MAP4K2: variants seen among roughly 807,000 people sequenced by gnomAD.
The protein encoded by MAP4K2 is mitogen-activated protein kinase kinase kinase kinase 2.
In MAP4K2, 85 loss-of-function variants were observed where a neutral mutation model predicts 125.3. That is an observed-to-expected ratio of 0.68 (90% CI 0.57 to 0.81). The LOEUF is 0.81. MAP4K2 is among the 40% of genes least tolerant of loss of function. The pLI, the probability that MAP4K2 is intolerant of heterozygous loss-of-function variation, is 0.00. For synonymous variants in MAP4K2, 479 were observed against 445.1 expected (o/e 1.08, Z -0.96); for missense variants, 923 against 1,056.4 (o/e 0.87, Z 1.75).
chr11:64,797,543 G>A lies in MAP4K2; in HGVS notation c.1137-9C>T, dbSNP rs746914750. On this transcript the variant is annotated splice_polypyrimidine_tract_variant and intron_variant, in intron 16 of 31. Coordinates refer to ENST00000294066, the MANE Select transcript of MAP4K2 (RefSeq NM_004579.5). ...ACCGAATAGTCAGACTCCTGTGGGA[G>A]GGAGATGAGGCGTGAGGCATGAGGT... 39 of 1,571,972 alleles carry A rather than the reference G, an allele frequency of 2.5e-5. No individual in the cohort carries two copies. The South Asian group carries it at 4.3e-4, about 17-fold the overall frequency.
At chr11:64,797,938 C>G (rs1004760951) in intron 15 of MAP4K2, among the ~76,000 whole-genome samples, 3 of 151,490 alleles carry the variant, frequency 2.0e-5, no homozygotes, top group African/African-American at 7.3e-5. Flanking sequence ...ATCTCCTGCC[C>G]TTGTGATCCG....
In MAP4K2 at chr11:64,788,528, G is replaced by C. The variant is rs1195440770; in HGVS notation, c.*1009C>G. The C allele has an allele frequency of 6.6e-6, 1 of 152,346 alleles. No homozygotes were observed. The highest frequency in any genetic ancestry group is 2.4e-5 in the African/African-American group (1 of 41,448). The allele number at this position is 152,346 out of a possible 1,614,324, so 9.4% of individuals were successfully genotyped here. A position where few individuals can be genotyped will look rare whatever the true frequency, so the allele number is the denominator to read the frequency against. ...GAATGGCCATGCCCTCAAGATGCAG[G>C]CTCCAGCAAGGAGGACGCCCTCCCT... is the stretch of plus-strand genomic sequence containing the variant. On this transcript the variant is annotated 3_prime_UTR_variant, in exon 32 of 32. Transcript: ENST00000294066.
At chr11:64,789,826 G>T in intron 30 of MAP4K2, 41 bp from the exon 31 acceptor site, 1 of 1,613,956 alleles carries the variant, frequency 6.2e-7, no homozygotes, top group East Asian at 2.2e-5. Context: ...ACTCCAGTAG[G>T]TCCTTTCCAA....
At chr11:64,803,012 G>A in intron 1 of MAP4K2, 42 bp downstream of exon 1, 10 of 1,581,368 alleles carry the variant, frequency 6.3e-6, no homozygotes, top group Non-Finnish European at 8.6e-6. Flanking sequence ...GGGGTGCGGG[G>A]CTGGCACCCT....
rs760889302 is a variant in MAP4K2 at position 64,799,596 on chromosome 11, C to T, written c.994+9G>A. 25 of 1,613,896 alleles carry T rather than the reference C, an allele frequency of 1.5e-5. No individual in the cohort carries two copies. Among genetic ancestry groups the T allele is most frequent in the Non-Finnish European group, 2.1e-5 (25 of 1,179,976 alleles). ...ATCTGCACACACACAGCCCCTGCTG[C>T]AGACTCACACTGGATCTCCGAGGGG... is the stretch of plus-strand genomic sequence containing the variant. On this transcript the variant is annotated intron_variant, in intron 13 of 31. Coordinates refer to ENST00000294066, the MANE Select transcript of MAP4K2 (RefSeq NM_004579.5).
intron 12 of MAP4K2, 60 bp from the exon 13 acceptor site, chr11:64,799,743 C>CT (rs1941048592): frequency 2.8e-6 from 4 of 1,414,876 alleles, no homozygotes; most frequent in Non-Finnish European, 4.0e-6. Flanking sequence ...CGGGGCTGCT[C>CT]TAGGAGCTTC....
At chr11:64,800,620 G>C (rs1941105248) in intron 10 of MAP4K2, 144 bp downstream of exon 10, 1 of 1,214,672 alleles carries the variant, frequency 8.2e-7, no homozygotes, top group Admixed American at 2.4e-5. Flanking sequence ...ACCCACAGAA[G>C]GACCAGGCCC....
Position 64,801,007 on chromosome 11 carries a change from C to T in MAP4K2, c.555G>A (p.Val185=), listed in dbSNP as rs1346502834. Reference sequence around the variant, plus strand: ...GCTCATTGTAGCCACCTTTGCGCTCCACAGCAGCCACCTCGGGAGCCATCC... The same window carrying T: ...GCTCATTGTAGCCACCTTTGCGCTCTACAGCAGCCACCTCGGGAGCCATCC... ...PYWMAPEVAA[V]ERKGGYNELC... is the part of the protein sequence containing the mutation. Residue 185 remains valine (V), a synonymous_variant, in exon 9 of 32, where the codon GTG becomes GTA. Transcript: ENST00000294066. The T allele has an allele frequency of 1.9e-6, 3 of 1,613,842 alleles. No individual in the cohort carries two copies. Among genetic ancestry groups the T allele is most frequent in the African/African-American group, 2.7e-5 (2 of 74,918 alleles).
rs937088102 is a variant in MAP4K2, at chr11:64,800,813, T to C, written c.676A>G (p.Met226Val). 1.9e-6 allele frequency: 3 copies of C among 1,612,320 alleles called. No homozygotes were observed. The highest frequency in any genetic ancestry group is 1.7e-6 in the Non-Finnish European group (2 of 1,179,380). Residue 226 changes from methionine to valine, a missense_variant, in exon 10 of 32, where the codon ATG becomes GTG. Physicochemically the swap from Met to Val is conservative, Grantham distance 21. Transcript: ENST00000294066. ...GGCGGCTGGAAGCTGCTCTTCGACA[T>C]GAGCATCAGGGCCCTGTGGAGGGCG... Reference protein sequence around the residue: ...HLHPMRALMLMSKSSFQPPKL... With the variant: ...HLHPMRALMLVSKSSFQPPKL...
intron 15 of MAP4K2, among the ~76,000 whole-genome samples, chr11:64,798,001 CTTTTTT>C (rs761143115): frequency 1.6e-5 from 2 of 127,646 alleles, no homozygotes; most frequent in Non-Finnish European, 3.4e-5. Flanking sequence ...CACACCCGGG[CTTTTTT>C]TTTTTTTTTT....
chr11:64,790,001 C>T, intron 29 of MAP4K2, 42 bp from the exon 30 acceptor site: 2 of 1,607,120 alleles, frequency 1.2e-6, no homozygotes, highest in South Asian at 1.1e-5. Context: ...CCCATCTTGG[C>T]ACCCCCTCAG....
intron 12 of MAP4K2, 83 bp from the exon 13 acceptor site, chr11:64,799,766 G>C (rs1941050202): frequency 8.6e-7 from 1 of 1,161,308 alleles, no homozygotes; most frequent in African/African-American, 1.5e-5. Flanking sequence ...ACGCACCAGT[G>C]CGTTTTGCTT....
chr11:64,795,727 G>A (rs1940757053), intron 24 of MAP4K2, among the ~76,000 whole-genome samples: 1 of 152,132 alleles, frequency 6.6e-6, no homozygotes, highest in Non-Finnish European at 1.5e-5. Context: ...TAGAGACAAG[G>A]TCTCCCTGTG....
In MAP4K2 at chr11:64,799,453, G is replaced by A. The variant is rs1270064800; in HGVS notation, c.1021C>T (p.Arg341Cys). 5.0e-6 allele frequency: 8 copies of A among 1,611,516 alleles called. No homozygotes were observed. In the South Asian group the frequency reaches 5.5e-5, roughly 11 times the overall value. Residue 341 changes from arginine (R) to cysteine (C), a missense_variant, in exon 14 of 32, where the codon CGC becomes TGC. Arg to Cys is a radical substitution (Grantham distance 180). This residue lies in a region of MAP4K2 where 833 missense variants were observed against 911.4 expected (regional missense o/e 0.91). Coordinates refer to ENST00000294066, the MANE Select transcript of MAP4K2 (RefSeq NM_004579.5). ...TTCAGTGGGTCAGTTTCCTTCCTGC[G>A]TGGGGCGCCAAATTTCACCTGGTGA... ...QFHQVKFGAP[R>C]RKETDPLNEP...
chr11:64,792,379 A>G lies in MAP4K2; in HGVS notation c.1795T>C (p.Leu599=), dbSNP rs2229720. Reference sequence around the variant, plus strand: ...CATTTCTTACCCACACGACACTGCAAGCAGCCTTTGGTGTCAGGAATCTTG... The same window carrying G: ...CATTTCTTACCCACACGACACTGCAGGCAGCCTTTGGTGTCAGGAATCTTG... ...STKIPDTKGC[L]QCRVVRNPYT... The change falls in exon 25 of 32, where the codon TTG becomes CTG. Residue 599 remains leucine (L), a synonymous_variant. Coordinates refer to ENST00000294066, the MANE Select transcript of MAP4K2 (RefSeq NM_004579.5). The G allele has an allele frequency of 7.5e-5, 116 of 1,552,118 alleles. No individual in the cohort carries two copies. In the African/African-American group the frequency reaches 1.6e-3, roughly 21 times the overall value.
At position 64,797,563 on chromosome 11, in the gene MAP4K2, T is replaced by C. The variant is rs749352291; in HGVS notation, c.1137-29A>G. On this transcript the variant is annotated intron_variant, in intron 16 of 31. Coordinates refer to ENST00000294066, the MANE Select transcript of MAP4K2 (RefSeq NM_004579.5). ...TGGGAGGGAGATGAGGCGTGAGGCA[T>C]GAGGTGTGACTGGCACCAAGGCCAC... 4 of 1,575,038 alleles carry C rather than the reference T, an allele frequency of 2.5e-6. No individual in the cohort carries two copies. The African/African-American group carries it at 4.0e-5, about 16-fold the overall frequency.
chr11:64,795,334 G>A (rs1027211575), intron 24 of MAP4K2, among the ~76,000 whole-genome samples: 8 of 151,774 alleles, frequency 5.3e-5, no homozygotes, highest in Non-Finnish European at 1.2e-4. Context: ...CGCCCACCTC[G>A]GCCTCTCAAA....
In MAP4K2 at chr11:64,797,014, A is replaced by G; in HGVS notation, c.1375T>C (p.Cys459Arg). The G allele has an allele frequency of 6.2e-7, 1 of 1,613,994 alleles. No homozygotes were observed. The highest frequency in any genetic ancestry group is 1.1e-5 in the South Asian group (1 of 91,084). The change falls in exon 20 of 32, where the codon TGC becomes CGC. Residue 459 changes from cysteine (C) to arginine (R), a missense_variant. Cys to Arg is a radical substitution (Grantham distance 180). Transcript: ENST00000294066. Reference sequence around the variant, plus strand: ...TTGGGAGTTGGGGGGAGCCCGTGGCAGGATGACCTCTGGGAGGGAGGAAAG... The same window carrying G: ...TTGGGAGTTGGGGGGAGCCCGTGGCGGGATGACCTCTGGGAGGGAGGAAAG... ...KQREDPERSSCHGLPPTPKVH... is the reference protein window; with the variant it reads ...KQREDPERSSRHGLPPTPKVH...
chr11:64,789,033 C>G lies in MAP4K2; in HGVS notation c.*504G>C, dbSNP rs1365870587. On this transcript the variant is annotated 3_prime_UTR_variant, in exon 32 of 32. Coordinates refer to ENST00000294066, the MANE Select transcript of MAP4K2 (RefSeq NM_004579.5). ...ACCTCTACCTGGCTTCTCCAAAACC[C>G]TGGGGGCCCTGCCCTTCTGTGGTGC... The G allele has an allele frequency of 6.0e-6, 1 of 167,522 alleles. No individual in the cohort carries two copies. Among genetic ancestry groups the G allele is most frequent in the Non-Finnish European group, 1.3e-5 (1 of 76,970 alleles). The allele number at this position is 167,522 out of a possible 1,614,324, so 10.4% of individuals were successfully genotyped here.
Sources: gnomAD v4.1 joint callset for allele counts (sites outside exome capture counted in the v4.1 genomes callset) on GRCh38, gnomAD v4.1.1 for gene constraint, gnomAD v4.1.1 regional missense constraint, MANE v1.5 for transcripts, NCBI Gene and HGNC (gene_info 2026-07-23, HGNC 2026-07-21) for gene names.